Variants in LPP observed in about 807,000 individuals in gnomAD.
The protein encoded by LPP is LIM domain containing preferred translocation partner in lipoma, also known as lipoma-preferred partner.
LPP carries 38 observed loss-of-function variants against 60.4 expected under a neutral mutation model. The ratio of observed to expected loss-of-function variants is 0.63; its 90% CI spans 0.49 to 0.83. The LOEUF is 0.83. LPP is among the 40% of genes least tolerant of loss of function. The pLI, the probability that LPP is intolerant of heterozygous loss-of-function variation, is 0.00. For synonymous variants in LPP, 328 were observed against 290.8 expected (o/e 1.13, Z -1.30); for missense variants, 902 against 783.6 (o/e 1.15, Z -1.80).
chr3:188,743,757 GA>G (rs1725228841), intron 8 of LPP: 1 of 151,968 alleles, frequency 6.6e-6, no homozygotes, highest in Non-Finnish European at 1.5e-5. Context: ...CTCCAAAGAG[GA>G]AAAAATTTAG....
At chr3:188,242,421 A>C (rs1421378320) in intron 2 of LPP, among the ~76,000 whole-genome samples, 1 of 151,746 alleles carries the variant, frequency 6.6e-6, no homozygotes, top group Non-Finnish European at 1.5e-5. Context: ...GAAGGAAAAA[A>C]AAACCACACA....
chr3:188,625,008 C>T (rs879677968), intron 7 of LPP, among the ~76,000 whole-genome samples: 1 of 151,426 alleles, frequency 6.6e-6, no homozygotes, highest in Non-Finnish European at 1.5e-5. Flanking sequence ...TGAGGGAAGT[C>T]TTAGGTTTCT....
intron 9 of LPP, among the ~76,000 whole-genome samples, chr3:188,786,914 G>A (rs1742103915): frequency 6.6e-6 from 1 of 152,302 alleles, no homozygotes; most frequent in East Asian, 1.9e-4. Context: ...TTTGTCAGGA[G>A]TTAGGGATGG....
intron 7 of LPP, among the ~76,000 whole-genome samples, chr3:188,653,882 C>G (rs1247717970): frequency 6.6e-6 from 1 of 152,152 alleles, no homozygotes; most frequent in East Asian, 1.9e-4. Flanking sequence ...ATTGGTTGTG[C>G]CATCGTATCT....
chr3:188,634,836 T>C (rs1314814026), intron 7 of LPP, among the ~76,000 whole-genome samples: 2 of 152,120 alleles, frequency 1.3e-5, no homozygotes, highest in Non-Finnish European at 2.9e-5. Context: ...GTAATAGTAA[T>C]AGAAATAGCA....
intron 1 of LPP, among the ~76,000 whole-genome samples, chr3:188,201,421 C>T (rs763012325): frequency 1.3e-5 from 2 of 152,072 alleles, no homozygotes; most frequent in African/African-American, 4.8e-5. Flanking sequence ...AAAAATGTGA[C>T]GGATGCCAGG....
At chr3:188,490,229 GGAGT>G (rs928144439) in intron 5 of LPP, among the ~76,000 whole-genome samples, 1 of 152,108 alleles carries the variant, frequency 6.6e-6, no homozygotes, top group Non-Finnish European at 1.5e-5. Flanking sequence ...ACTTTTCAAA[GGAGT>G]GAGTAAGCAC....
intron 4 of LPP, among the ~76,000 whole-genome samples, chr3:188,413,366 G>A (rs1437709797): frequency 1.3e-5 from 2 of 152,070 alleles, no homozygotes; most frequent in African/African-American, 4.8e-5. Flanking sequence ...ACATCTTTTT[G>A]TAATCCTGAC....
At chr3:188,671,184 G>A (rs1424957497) in intron 7 of LPP, among the ~76,000 whole-genome samples, 5 of 152,028 alleles carry the variant, frequency 3.3e-5, no homozygotes, top group Admixed American at 2.0e-4. Flanking sequence ...TTATTATAAC[G>A]ACCATAGATA....
chr3:188,297,233 T>C (rs942111763), intron 2 of LPP, among the ~76,000 whole-genome samples: 1 of 152,212 alleles, frequency 6.6e-6, no homozygotes, highest in Admixed American at 6.5e-5. Flanking sequence ...TGTGTAACAC[T>C]GCCAAGGTCC....
chr3:188,407,757 C>T (rs750785136), intron 4 of LPP, among the ~76,000 whole-genome samples: 31 of 147,124 alleles, frequency 2.1e-4, no homozygotes, highest in Non-Finnish European at 3.9e-4. Context: ...ATGTTGGCTT[C>T]CTCATTTATG....
At chr3:188,280,979 G>T (rs144948728) in intron 2 of LPP, among the ~76,000 whole-genome samples, 1 of 150,968 alleles carries the variant, frequency 6.6e-6, no homozygotes, top group East Asian at 1.9e-4. Context: ...GTGTTGCCCA[G>T]GCTGGAGTGC....
At chr3:188,506,075 C>G (rs1579443793) in intron 5 of LPP, among the ~76,000 whole-genome samples, 2 of 152,154 alleles carry the variant, frequency 1.3e-5, no homozygotes, top group South Asian at 4.1e-4. Flanking sequence ...CTCATATCCT[C>G]ATTTTTAGAA....
intron 2 of LPP, among the ~76,000 whole-genome samples, chr3:188,322,193 A>T (rs1757147057): frequency 6.6e-6 from 1 of 152,234 alleles, no homozygotes; most frequent in Admixed American, 6.5e-5. Flanking sequence ...TGTGAGGATA[A>T]CAATGAAAAG....
chr3:188,680,999 T>TC (rs1859370208), intron 7 of LPP, among the ~76,000 whole-genome samples: 1 of 149,794 alleles, frequency 6.7e-6, no homozygotes, highest in Non-Finnish European at 1.5e-5. Flanking sequence ...ATTTCCTTTT[T>TC]TTTTTTTTTT....
chr3:188,160,391 AC>A lies in LPP; in HGVS notation c.-190+6141del, dbSNP rs376755202. 6.0e-4 allele frequency among the ~76,000 whole-genome samples: 91 copies of A among 151,570 alleles called. 1 individual carries two copies. In the South Asian group the frequency reaches 0.015, roughly 26 times the overall value. ...TGTATTTTTGTGGAGATGGGGTTTC[AC>A]CATGTTGGCCAGGCTGGTCTTGAAC... On this transcript the variant is annotated intron_variant, in intron 1 of 11. Coordinates refer to ENST00000617246, the MANE Select transcript of LPP (RefSeq NM_001375462.1).
chr3:188,600,704 T>C (rs535226628), intron 6 of LPP, among the ~76,000 whole-genome samples: 1 of 152,278 alleles, frequency 6.6e-6, no homozygotes, highest in Non-Finnish European at 1.5e-5. Flanking sequence ...ATGCACTAGC[T>C]ACATTCTTCC....
At chr3:188,563,739 G>GT (rs869139202) in intron 6 of LPP, among the ~76,000 whole-genome samples, 1 of 85,410 alleles carries the variant, frequency 1.2e-5, no homozygotes, top group Non-Finnish European at 2.5e-5. Context: ...TTTTTTTTTT[G>GT]TTTTTTTGAG....
intron 1 of LPP, among the ~76,000 whole-genome samples, chr3:188,167,944 ATTTC>A (rs1720496521): frequency 6.6e-6 from 1 of 152,160 alleles, no homozygotes; most frequent in Admixed American, 6.5e-5. Flanking sequence ...TTTAATTTGA[ATTTC>A]TTTGATTACT....
Sources: allele counts gnomAD v4.1 joint callset (sites outside exome capture counted in the v4.1 genomes callset), GRCh38; gene constraint gnomAD v4.1.1; transcripts MANE v1.5; gene names NCBI Gene and HGNC (gene_info 2026-07-23, HGNC 2026-07-21).